Variants in NMNAT2 observed in about 807,000 individuals in gnomAD.
NMNAT2 encodes nicotinamide nucleotide adenylyltransferase 2.
A neutral mutation model predicts 41.6 loss-of-function variants in NMNAT2; 11 were observed. That is an observed-to-expected ratio of 0.26 (90% confidence interval 0.17 to 0.44). The LOEUF (loss-of-function observed/expected upper bound fraction) is 0.44. NMNAT2 is among the 20% of genes least tolerant of loss of function. The pLI is 1.00. For missense variants in NMNAT2, 288 were observed against 407.7 expected (o/e 0.71, Z 2.53); for synonymous variants, 148 against 151.2 (o/e 0.98, Z 0.16).
At chr1:183,329,783 G>T (rs1231049663) in intron 1 of NMNAT2, among the ~76,000 whole-genome samples, 2 of 152,140 alleles carry the variant, frequency 1.3e-5, no homozygotes, top group African/African-American at 4.8e-5. Flanking sequence ...GTGCTCTATG[G>T]GGGCATTGCA....
chr1:183,299,124 C>A (rs1350306147), intron 1 of NMNAT2, among the ~76,000 whole-genome samples: 3 of 152,190 alleles, frequency 2.0e-5, no homozygotes, highest in Non-Finnish European at 2.9e-5. Context: ...GTAATCCCAG[C>A]ACTTTGGGAG....
chr1:183,294,376 T>C (rs944163411), intron 1 of NMNAT2, among the ~76,000 whole-genome samples: 1 of 152,252 alleles, frequency 6.6e-6, no homozygotes, highest in Non-Finnish European at 1.5e-5. Flanking sequence ...TTGGAAGGTA[T>C]GCAATATTGC....
chr1:183,282,570 G>A (rs985411527), intron 7 of NMNAT2, among the ~76,000 whole-genome samples: 5 of 152,246 alleles, frequency 3.3e-5, no homozygotes, highest in Non-Finnish European at 4.4e-5. Context: ...GGAATACAAT[G>A]AGAAGTCCTA....
chr1:183,406,512 T>C (rs1262983057), intron 1 of NMNAT2, among the ~76,000 whole-genome samples: 3 of 152,090 alleles, frequency 2.0e-5, no homozygotes, highest in Non-Finnish European at 2.9e-5. Flanking sequence ...CTTTGGAAAA[T>C]AGTGCATTCT....
At chr1:183,256,874 C>A (rs1353405870) in intron 10 of NMNAT2, among the ~76,000 whole-genome samples, 3 of 152,076 alleles carry the variant, frequency 2.0e-5, no homozygotes, top group Non-Finnish European at 4.4e-5. Flanking sequence ...GCCTCAGCCT[C>A]CCAAGTAGCT....
intron 1 of NMNAT2, among the ~76,000 whole-genome samples, chr1:183,295,207 G>C (rs561879212): frequency 6.6e-6 from 1 of 151,964 alleles, no homozygotes; most frequent in Non-Finnish European, 1.5e-5. Context: ...TCCACGTGTC[G>C]GCCAGGCTGG....
intron 1 of NMNAT2, among the ~76,000 whole-genome samples, chr1:183,303,870 G>A (rs755899383): frequency 1.2e-4 from 19 of 152,220 alleles, no homozygotes; most frequent in Non-Finnish European, 2.2e-4. Flanking sequence ...AATAAATACA[G>A]GCTAGTTATG....
intron 1 of NMNAT2, among the ~76,000 whole-genome samples, chr1:183,362,130 G>T (rs1440145939): frequency 6.6e-6 from 1 of 151,972 alleles, no homozygotes; most frequent in Non-Finnish European, 1.5e-5. Context: ...GTCAAGACGG[G>T]ATTTCTTCAT....
At chr1:183,349,414 A>T (rs1039135691) in intron 1 of NMNAT2, among the ~76,000 whole-genome samples, 1 of 152,272 alleles carries the variant, frequency 6.6e-6, no homozygotes, top group Non-Finnish European at 1.5e-5. Context: ...GACAACTCAC[A>T]GGCAGCTCGA....
In NMNAT2 at chr1:183,278,664, A is replaced by G. The variant is rs1229418552; in HGVS notation, c.575-35T>C. 56 of 1,474,894 alleles carry G rather than the reference A, an allele frequency of 3.8e-5. No individual in the cohort carries two copies. In the East Asian group the frequency reaches 1.2e-3, roughly 33 times the overall value. The allele number at this position is 1,474,894 out of a possible 1,614,324, so 91.4% of individuals were successfully genotyped here. A position where few individuals can be genotyped will look rare whatever the true frequency, so the allele number is the denominator to read the frequency against. ...GGGAGCAAAGTTTGCAAAGGGAGTA[A>G]GTGGTGGCCCGGGAAGCATTTGACC... is the stretch of plus-strand genomic sequence containing the variant. On this transcript the variant is annotated intron_variant, in intron 7 of 10. Coordinates refer to ENST00000287713, the MANE Select transcript of NMNAT2 (RefSeq NM_015039.4).
At chr1:183,275,376 G>A (rs1258772818) in intron 8 of NMNAT2, among the ~76,000 whole-genome samples, 1 of 152,026 alleles carries the variant, frequency 6.6e-6, no homozygotes, top group Non-Finnish European at 1.5e-5. Flanking sequence ...TAAGGACCTC[G>A]CAGATCAGCT....
intron 1 of NMNAT2, among the ~76,000 whole-genome samples, chr1:183,333,840 C>T (rs1168753293): frequency 6.6e-6 from 1 of 152,204 alleles, no homozygotes; most frequent in African/African-American, 2.4e-5. Flanking sequence ...GTGCTTCCCC[C>T]TCCTGACTTA....
intron 1 of NMNAT2, among the ~76,000 whole-genome samples, chr1:183,381,981 T>C (rs1301640249): frequency 6.6e-6 from 1 of 152,246 alleles, no homozygotes; most frequent in African/African-American, 2.4e-5. Context: ...CATTATGCTC[T>C]GATACAGATT....
intron 1 of NMNAT2, among the ~76,000 whole-genome samples, chr1:183,311,362 G>A (rs1662114573): frequency 6.6e-6 from 1 of 152,136 alleles, no homozygotes; most frequent in African/African-American, 2.4e-5. Context: ...AAAACTGTGA[G>A]GGAATAATTC....
chr1:183,412,244 G>A (rs1378304290), intron 1 of NMNAT2, among the ~76,000 whole-genome samples: 1 of 152,242 alleles, frequency 6.6e-6, no homozygotes. Flanking sequence ...TGTTTATTGA[G>A]ACGGAGTCTC....
At chr1:183,294,956 G>C (rs1451056535) in intron 1 of NMNAT2, among the ~76,000 whole-genome samples, 2 of 152,152 alleles carry the variant, frequency 1.3e-5, no homozygotes, top group East Asian at 1.9e-4. Flanking sequence ...TACTTTGCTG[G>C]ATTTCTTAAC....
chr1:183,319,973 C>T (rs184005177), intron 1 of NMNAT2, among the ~76,000 whole-genome samples: 5 of 152,282 alleles, frequency 3.3e-5, no homozygotes, highest in African/African-American at 9.6e-5. Context: ...CTGCCCATGG[C>T]GGGGAATTCT....
At chr1:183,369,140 G>A (rs923909056) in intron 1 of NMNAT2, among the ~76,000 whole-genome samples, 1 of 152,062 alleles carries the variant, frequency 6.6e-6, no homozygotes, top group African/African-American at 2.4e-5. Flanking sequence ...GCATAGAAGA[G>A]CTCACATTTA....
chr1:183,357,480 T>C (rs558301239), intron 1 of NMNAT2, among the ~76,000 whole-genome samples: 6 of 151,856 alleles, frequency 4.0e-5, no homozygotes, highest in Non-Finnish European at 7.4e-5. Flanking sequence ...CCACCCGCCT[T>C]GGCCTCCCAA....
Sources: allele counts gnomAD v4.1 joint callset (sites outside exome capture counted in the v4.1 genomes callset), GRCh38; gene constraint gnomAD v4.1.1; transcripts MANE v1.5; gene names NCBI Gene and HGNC (gene_info 2026-07-23, HGNC 2026-07-21).